KCNK2: variants seen among roughly 807,000 people sequenced by gnomAD.
The protein encoded by KCNK2 is potassium two pore domain channel subfamily K member 2.
KCNK2 carries 21 observed loss-of-function variants against 40.5 expected under a neutral mutation model. The observed-to-expected ratio is 0.52, with a 90% CI of 0.37 to 0.75. The LOEUF (loss-of-function observed/expected upper bound fraction) is 0.75. KCNK2 is among the 30% of genes least tolerant of loss of function. The pLI is 0.00. For missense variants in KCNK2, 399 were observed against 531.6 expected (o/e 0.75, Z 2.45); for synonymous variants, 191 against 202.2 (o/e 0.94, Z 0.47).
intron 6 of KCNK2, among the ~76,000 whole-genome samples, chr1:215,220,359 C>T (rs185278409): frequency 6.6e-6 from 1 of 152,172 alleles, no homozygotes; most frequent in Non-Finnish European, 1.5e-5. Context: ...GCTACTGCCA[C>T]CACCAGGAAC....
At chr1:215,025,825 A>G (rs1656981536) in intron 1 of KCNK2, among the ~76,000 whole-genome samples, 1 of 152,080 alleles carries the variant, frequency 6.6e-6, no homozygotes, top group South Asian at 2.1e-4. Flanking sequence ...CTGGATTCAC[A>G]TGTCCTTATT....
chr1:215,141,531 T>TA (rs142166870), intron 3 of KCNK2, among the ~76,000 whole-genome samples: 14,279 of 152,164 alleles, frequency 0.094, 719 homozygotes, highest in Middle Eastern at 0.16. Flanking sequence ...TCTGAAGATT[T>TA]ATCTCACGAT....
chr1:215,010,864 T>TGTGTGTG (rs1553254943), intron 1 of KCNK2, among the ~76,000 whole-genome samples: 5 of 137,858 alleles, frequency 3.6e-5, no homozygotes, highest in African/African-American at 1.0e-4. Flanking sequence ...TTTTTTTTTT[T>TGTGTGTG]TTTTTGTGTG....
At chr1:215,074,099 C>T (rs1658852135) in intron 1 of KCNK2, among the ~76,000 whole-genome samples, 1 of 152,138 alleles carries the variant, frequency 6.6e-6, no homozygotes, top group African/African-American at 2.4e-5. Context: ...GCCTTGATCA[C>T]TTTGTACAAT....
chr1:215,062,513 G>A (rs954837037), intron 1 of KCNK2, among the ~76,000 whole-genome samples: 1 of 151,330 alleles, frequency 6.6e-6, no homozygotes, highest in Non-Finnish European at 1.5e-5. Context: ...CAACCTCTAA[G>A]GGGAAGGTGG....
At chr1:215,209,332 A>T (rs1179660512) in intron 6 of KCNK2, among the ~76,000 whole-genome samples, 2 of 92,994 alleles carry the variant, frequency 2.2e-5, no homozygotes, top group African/African-American at 4.3e-5. Flanking sequence ...ACATATTTTT[A>T]TATATATAAT....
rs145223230 is a variant in KCNK2, at chr1:215,178,848, A to T, written c.823+6665A>T. 6.2e-3 allele frequency among the ~76,000 whole-genome samples: 945 copies of T among 152,232 alleles called. 7 individuals carry two copies. The highest frequency in any genetic ancestry group is 0.013 in the South Asian group (64 of 4,828). On this transcript the variant is annotated intron_variant, in intron 5 of 6. Transcript: ENST00000444842. ...TTTGCCATATTTTGTTATCAAAGTG[A>T]TGCTTGCTTCATAGAATGAGTTAGG... is the stretch of plus-strand genomic sequence containing the variant.
chr1:215,069,266 T>A (rs1236330068), intron 1 of KCNK2, among the ~76,000 whole-genome samples: 1 of 152,168 alleles, frequency 6.6e-6, no homozygotes, highest in Non-Finnish European at 1.5e-5. Flanking sequence ...TGGTAAGGAC[T>A]TTTCCCACAT....
In KCNK2 at chr1:215,082,914, C is replaced by T. The variant is rs902523642; in HGVS notation, c.-472C>T. Among the ~76,000 whole-genome samples the T allele has an allele frequency of 1.3e-5, 2 of 150,932 alleles. No homozygotes were observed. The highest frequency in any genetic ancestry group is 4.8e-5 in the African/African-American group (2 of 41,266). ...GAACGAGGCTCGCGCACAAAGACGC[C>T]GGGGCGCACGGCAGCTGGGGCTGCA... is the stretch of plus-strand genomic sequence containing the variant. On this transcript the variant is annotated 5_prime_UTR_variant, in exon 1 of 7. Coordinates refer to ENST00000444842, the MANE Select transcript of KCNK2 (RefSeq NM_001017425.3).
At chr1:215,175,680 C>T (rs1001824662) in intron 5 of KCNK2, among the ~76,000 whole-genome samples, 3 of 152,020 alleles carry the variant, frequency 2.0e-5, no homozygotes, top group African/African-American at 7.2e-5. Context: ...TCCCCAGTGT[C>T]TGTTGTTGCC....
intron 6 of KCNK2, among the ~76,000 whole-genome samples, chr1:215,228,330 G>A (rs1315840753): frequency 1.3e-5 from 2 of 152,202 alleles, no homozygotes; most frequent in Non-Finnish European, 1.5e-5. Flanking sequence ...GGACGGAGCA[G>A]TGCCATTTGC....
chr1:215,128,942 A>T (rs1442029684), intron 3 of KCNK2, among the ~76,000 whole-genome samples: 1 of 152,218 alleles, frequency 6.6e-6, no homozygotes, highest in Non-Finnish European at 1.5e-5. Context: ...GTAAAAGTTT[A>T]AAAGTGACAT....
intron 3 of KCNK2, among the ~76,000 whole-genome samples, chr1:215,132,687 C>T (rs1474175217): frequency 2.6e-5 from 4 of 152,112 alleles, no homozygotes; most frequent in Admixed American, 6.5e-5. Context: ...AAACCCATAT[C>T]GGAATATTAT....
At position 215,161,153 on chromosome 1, in the gene KCNK2, C is replaced by T. The variant is rs544171235; in HGVS notation, c.476-8046C>T. 4.6e-5 allele frequency among the ~76,000 whole-genome samples: 7 copies of T among 152,266 alleles called. No individual in the cohort carries two copies. The South Asian group carries it at 1.2e-3, about 27-fold the overall frequency. On this transcript the variant is annotated intron_variant, in intron 3 of 6. Coordinates refer to ENST00000444842, the MANE Select transcript of KCNK2 (RefSeq NM_001017425.3). ...AAAAGTCTTGCATTGGTCAGTCAGCCTACATGATAGAGCCCAAACTATTGA... is the reference window on the plus strand; with the variant it reads ...AAAAGTCTTGCATTGGTCAGTCAGCTTACATGATAGAGCCCAAACTATTGA...
chr1:215,047,175 C>T (rs1657807061), intron 1 of KCNK2, among the ~76,000 whole-genome samples: 1 of 152,044 alleles, frequency 6.6e-6, no homozygotes, highest in Non-Finnish European at 1.5e-5. Flanking sequence ...AGATTTAACA[C>T]AGAAAATGGA....
chr1:215,060,614 G>T (rs184965913), intron 1 of KCNK2, among the ~76,000 whole-genome samples: 2 of 152,150 alleles, frequency 1.3e-5, no homozygotes, highest in South Asian at 2.1e-4. Flanking sequence ...CAGAGTAGCC[G>T]TAGAAAAAAA....
chr1:215,037,002 C>CTTTTT (rs3033912), intron 1 of KCNK2, among the ~76,000 whole-genome samples: 5,710 of 125,562 alleles, frequency 0.045, 428 homozygotes, highest in African/African-American at 0.14. Flanking sequence ...CCTTTTATTC[C>CTTTTT]TTTTTTTTTT....
intron 6 of KCNK2, among the ~76,000 whole-genome samples, chr1:215,228,802 T>A (rs1183834924): frequency 6.6e-6 from 1 of 152,146 alleles, no homozygotes; most frequent in East Asian, 1.9e-4. Context: ...TATATAAATG[T>A]GATATTCTCA....
At chr1:215,172,741 C>G (rs1007884084) in intron 5 of KCNK2, among the ~76,000 whole-genome samples, 6 of 152,210 alleles carry the variant, frequency 3.9e-5, no homozygotes, top group Non-Finnish European at 5.9e-5. Context: ...ACTGCAAACT[C>G]TGCCTCCTGG....
Sources: allele counts gnomAD v4.1 joint callset (sites outside exome capture counted in the v4.1 genomes callset), GRCh38; gene constraint gnomAD v4.1.1; transcripts MANE v1.5; gene names NCBI Gene and HGNC (gene_info 2026-07-23, HGNC 2026-07-21).